ITGA11: variants seen among roughly 807,000 people sequenced by gnomAD.
ITGA11 encodes the protein integrin alpha-11.
A neutral mutation model predicts 141.9 loss-of-function variants in ITGA11; 97 were observed. That is an observed-to-expected ratio of 0.68 (90% CI 0.58 to 0.81). The LOEUF is 0.81. Ranked by LOEUF, ITGA11 falls within the 30% of genes least tolerant of loss-of-function variation. The pLI is 0.00. For synonymous variants in ITGA11, 658 were observed against 624.6 expected, an observed-to-expected ratio of 1.05 and a Z score of -0.80; for missense variants, 1,387 against 1,559.2, an observed-to-expected ratio of 0.89 and a Z score of 1.86.
At chr15:68,386,350 T>C (rs1419644596) in intron 2 of ITGA11, among the ~76,000 whole-genome samples, 1 of 152,146 alleles carries the variant, frequency 6.6e-6, no homozygotes, top group Non-Finnish European at 1.5e-5. Context: ...TCTCCCTCCC[T>C]ACTGCCTCGC....
intron 2 of ITGA11, among the ~76,000 whole-genome samples, chr15:68,372,430 C>T (rs541913184): frequency 9.8e-5 from 15 of 152,316 alleles, no homozygotes; most frequent in South Asian, 4.2e-4. Flanking sequence ...GGGCACCAGA[C>T]GGCACAGCAA....
intron 2 of ITGA11, among the ~76,000 whole-genome samples, chr15:68,373,530 T>G (rs1895649485): frequency 6.6e-6 from 1 of 152,206 alleles, no homozygotes; most frequent in Non-Finnish European, 1.5e-5. Context: ...TTCCCTGGTT[T>G]CCATTTCCTC....
At chr15:68,340,924 G>A (rs534650327) in intron 10 of ITGA11, 1 of 152,318 alleles carries the variant, frequency 6.6e-6, no homozygotes, top group Admixed American at 6.5e-5. Context: ...TGATTACAGG[G>A]GTGGGGGCAG....
Position 68,303,858 on chromosome 15 carries a change from C to A in ITGA11, c.3409G>T (p.Asp1137Tyr). The A allele has an allele frequency of 6.2e-7, 1 of 1,612,860 alleles. No individual in the cohort carries two copies. The highest frequency in any genetic ancestry group is 8.5e-7 in the Non-Finnish European group (1 of 1,179,238). ...ATGATCCAGATGGGGACCTGCCAGT[C>A]CTCTTGCTTGGAGATCTCAAACACG... is the stretch of plus-strand genomic sequence containing the variant. ...QIVFEISKQE[D>Y]WQVPIWIIVG... is the part of the protein sequence containing the mutation. Residue 1137 changes from aspartate to tyrosine, a missense_variant, in exon 29 of 30, where the codon GAC becomes TAC. Physicochemically the swap from Asp to Tyr is radical, Grantham distance 160. Transcript: ENST00000315757. The surrounding 1 kb of genome is among the most constrained non-coding windows in gnomAD (Gnocchi z 5.3).
At chr15:68,317,118 G>A in intron 21 of ITGA11, 147 bp downstream of exon 21, 1 of 638,214 alleles carries the variant, frequency 1.6e-6, no homozygotes, top group East Asian at 2.7e-5. Context: ...AATTTTGTGG[G>A]AGAAAAGACA....
chr15:68,361,458 T>G (rs1895240855), intron 5 of ITGA11, 132 bp downstream of exon 5: 1 of 631,272 alleles, frequency 1.6e-6, no homozygotes, highest in Non-Finnish European at 2.9e-6. Flanking sequence ...TTCCAGGTCA[T>G]CCGGAGAGCT....
rs1893280538 is a variant in ITGA11, at chr15:68,308,761, G to GAAGAGAAAAGAAAAGA, written c.3175-1066_3175-1065insTCTTTTCTTTTCTCTT. 7.3e-6 allele frequency among the ~76,000 whole-genome samples: 1 copy of GAAGAGAAAAGAAAAGA among 137,670 alleles called. No homozygotes were observed. Among genetic ancestry groups the GAAGAGAAAAGAAAAGA allele is most frequent in the Non-Finnish European group, 1.5e-5 (1 of 64,830 alleles). The allele number at this position is 137,670 out of a possible 152,430, so 90.3% of individuals were successfully genotyped here. On this transcript the variant is annotated intron_variant, in intron 26 of 29. Coordinates refer to ENST00000315757, the MANE Select transcript of ITGA11 (RefSeq NM_001004439.2). This position sits in a 1 kb window ranked among gnomAD's most constrained non-coding sequence, Gnocchi z 5.2. ...TGTCTCAAAAGAAAAGAAAAGAAAA[G>GAAGAGAAAAGAAAAGA]AAAGAAAAGAAAAGAAAAGAAAAGG...
At chr15:68,426,849 T>C (rs1278207620) in intron 1 of ITGA11, among the ~76,000 whole-genome samples, 1 of 151,382 alleles carries the variant, frequency 6.6e-6, no homozygotes, top group Non-Finnish European at 1.5e-5. Context: ...AACCCATCTC[T>C]CCTAAAAATA....
chr15:68,392,064 C>T (rs1029724655), intron 2 of ITGA11, among the ~76,000 whole-genome samples: 2 of 152,096 alleles, frequency 1.3e-5, no homozygotes, highest in Non-Finnish European at 2.9e-5. Context: ...AGGAATTATA[C>T]CGCTGATTTC....
chr15:68,407,840 C>T (rs576195397), intron 1 of ITGA11, among the ~76,000 whole-genome samples: 65 of 152,352 alleles, frequency 4.3e-4, no homozygotes, highest in African/African-American at 1.5e-3. Flanking sequence ...CCACTCCCTA[C>T]AGGTTAAGGT....
chr15:68,412,668 C>CTTTTTTTTTTT (rs71145169), intron 1 of ITGA11, among the ~76,000 whole-genome samples: 1 of 59,246 alleles, frequency 1.7e-5, no homozygotes, highest in Non-Finnish European at 3.0e-5. Flanking sequence ...AACTTATTCG[C>CTTTTTTTTTTT]TTTTTTTTTT....
At chr15:68,357,372 G>A in intron 6 of ITGA11, 73 bp from the exon 7 acceptor site, 2 of 1,533,720 alleles carry the variant, frequency 1.3e-6, no homozygotes, top group Non-Finnish European at 8.8e-7. Context: ...TTGAGAGTGA[G>A]GATCCCCGGG....
intron 1 of ITGA11, among the ~76,000 whole-genome samples, chr15:68,420,962 G>A (rs1194446470): frequency 6.6e-6 from 1 of 152,348 alleles, no homozygotes; most frequent in East Asian, 1.9e-4. Context: ...GTAGGAGCCC[G>A]AGGCAAGGCC....
At chr15:68,363,338 G>A (rs371765856) in intron 4 of ITGA11, among the ~76,000 whole-genome samples, 14 of 152,128 alleles carry the variant, frequency 9.2e-5, no homozygotes, top group Non-Finnish European at 2.1e-4. Flanking sequence ...ATGTGATAAG[G>A]AGCCTGAGAG....
chr15:68,323,164 C>T (rs1447220322), intron 18 of ITGA11, among the ~76,000 whole-genome samples: 1 of 152,204 alleles, frequency 6.6e-6, no homozygotes, highest in South Asian at 2.1e-4. Context: ...CCCCTCAGCT[C>T]CCCACCGCAA....
At chr15:68,352,736 A>T (rs994004866) in intron 7 of ITGA11, among the ~76,000 whole-genome samples, 12 of 152,324 alleles carry the variant, frequency 7.9e-5, no homozygotes, top group Non-Finnish European at 1.2e-4. Flanking sequence ...TTTTGTTTTC[A>T]GTGCCCAGAG....
intron 28 of ITGA11, among the ~76,000 whole-genome samples, chr15:68,306,716 C>T (rs189028372): frequency 1.3e-5 from 2 of 152,308 alleles, no homozygotes; most frequent in African/African-American, 2.4e-5. Context: ...ATAAGGGATG[C>T]TTCCTGACCC....
At chr15:68,364,647 A>ACCCCCCCCCC in intron 4 of ITGA11, 60 bp downstream of exon 4, 1 of 904,830 alleles carries the variant, frequency 1.1e-6, no homozygotes, top group Admixed American at 1.9e-5. Context: ...GAGACGCTCC[A>ACCCCCCCCCC]CCCCTCCCCA....
At position 68,351,398 on chromosome 15, in the gene ITGA11, C is replaced by G. The variant is rs766346598; in HGVS notation, c.754G>C (p.Glu252Gln). The change falls in exon 8 of 30, where the codon GAG (glutamate) becomes CAG (glutamine). Residue 252 changes from glutamate (E) to glutamine (Q), a missense_variant. Transcript: ENST00000315757. The part of the protein sequence containing the change: ...TAFGIEFARS[E>Q]AFQKGGRKGA... ...TTCCTTCCACCCTTCTGGAAAGCCT[C>G]TGAGCTGGAAGCCAAGCACAGGGGC... The G allele has an allele frequency of 8.1e-5, 130 of 1,613,704 alleles. No homozygotes were observed. Among genetic ancestry groups the G allele is most frequent in the Non-Finnish European group, 1.1e-4 (124 of 1,179,854 alleles).
Sources: gnomAD v4.1 joint callset for allele counts (sites outside exome capture counted in the v4.1 genomes callset) on GRCh38, gnomAD v4.1.1 for gene constraint, Gnocchi (gnomAD v3.1) non-coding constraint, MANE v1.5 for transcripts, NCBI Gene and HGNC (gene_info 2026-07-23, HGNC 2026-07-21) for gene names.